FNBP1L: variants seen among roughly 807,000 people sequenced by gnomAD.
The protein encoded by FNBP1L is formin-binding protein 1-like.
In FNBP1L, 36 loss-of-function variants were observed where a neutral mutation model predicts 91.2. That is an observed-to-expected ratio of 0.39 (90% confidence interval 0.30 to 0.52). The LOEUF is 0.52. FNBP1L is among the 20% of genes least tolerant of loss of function. FNBP1L has a pLI of 0.66. For synonymous variants in FNBP1L, 242 were observed against 237.0 expected (o/e 1.02, Z -0.19); for missense variants, 571 against 732.1 (o/e 0.78, Z 2.54).
chr1:93,526,151 C>G (rs1384948336), intron 5 of FNBP1L, among the ~76,000 whole-genome samples: 1 of 151,988 alleles, frequency 6.6e-6, no homozygotes, highest in Non-Finnish European at 1.5e-5. Flanking sequence ...GACAGAAGAG[C>G]CTGTAAAGGA....
chr1:93,469,027 T>C (rs1256634079), intron 1 of FNBP1L, among the ~76,000 whole-genome samples: 1 of 152,184 alleles, frequency 6.6e-6, no homozygotes, highest in African/African-American at 2.4e-5. Context: ...CATCTTTTCT[T>C]GTGCTTATTG....
chr1:93,505,397 T>C (rs1670576578), intron 2 of FNBP1L, among the ~76,000 whole-genome samples: 1 of 152,136 alleles, frequency 6.6e-6, no homozygotes, highest in African/African-American at 2.4e-5. Context: ...CAGTTTCCAT[T>C]GGCTGGAACG....
chr1:93,515,446 C>T (rs1279954346), intron 2 of FNBP1L, among the ~76,000 whole-genome samples: 2 of 151,950 alleles, frequency 1.3e-5, no homozygotes, highest in African/African-American at 2.4e-5. Flanking sequence ...AATCATGCTG[C>T]TATAAAGACA....
chr1:93,511,417 T>C lies in FNBP1L; in HGVS notation c.141-10665T>C, dbSNP rs1382385670. On this transcript the variant is annotated intron_variant, in intron 2 of 16. Transcript: ENST00000271234. The stretch of plus-strand genomic sequence containing the variant: ...GACAAGCAAATGCTGAGAGATTTTG[T>C]CACCACCAGGCCTGCCCTAAAAGAG... Among the ~76,000 whole-genome samples the C allele has an allele frequency of 3.9e-5, 6 of 152,150 alleles. No individual in the cohort carries two copies. The East Asian group carries it at 7.7e-4, about 20-fold the overall frequency.
intron 2 of FNBP1L, among the ~76,000 whole-genome samples, chr1:93,511,953 G>A (rs12239248): frequency 0.49 from 61,821 of 125,450 alleles, 17,429 homozygotes; most frequent in Non-Finnish European, 0.61. Context: ...GCGACAGAGC[G>A]AGACTCCGTC....
intron 3 of FNBP1L, among the ~76,000 whole-genome samples, chr1:93,523,061 A>T (rs1266377136): frequency 6.6e-6 from 1 of 152,200 alleles, no homozygotes; most frequent in African/African-American, 2.4e-5. Context: ...TGGCAACTTA[A>T]GAGATTCCAG....
chr1:93,495,284 A>G (rs1670225828), intron 1 of FNBP1L, among the ~76,000 whole-genome samples: 1 of 152,222 alleles, frequency 6.6e-6, no homozygotes, highest in South Asian at 2.1e-4. Context: ...TCAATAATGA[A>G]TAATGTTTCA....
rs779478139 is a variant in FNBP1L at position 93,522,072 on chromosome 1, C to T, written c.141-10C>T. On this transcript the variant is annotated splice_polypyrimidine_tract_variant and intron_variant, in intron 2 of 16. Transcript: ENST00000271234. ...TTTTTAATAAACTTTAAAAAATCTTCTTCCTATAGAAATCTGGTTAAGAAG... is the reference window on the plus strand; with the variant it reads ...TTTTTAATAAACTTTAAAAAATCTTTTTCCTATAGAAATCTGGTTAAGAAG... 5 of 1,490,942 alleles carry T rather than the reference C, an allele frequency of 3.4e-6. No individual in the cohort carries two copies. The highest frequency in any genetic ancestry group is 2.9e-5 in the African/African-American group (2 of 69,620). 92.4% of individuals were successfully genotyped at this position (1,490,942 alleles called of 1,614,324 possible).
At chr1:93,476,077 T>G (rs1292854882) in intron 1 of FNBP1L, among the ~76,000 whole-genome samples, 1 of 152,222 alleles carries the variant, frequency 6.6e-6, no homozygotes. Flanking sequence ...TGTTTATACC[T>G]CCAATTTCTT....
chr1:93,493,620 T>C (rs1271885635), intron 1 of FNBP1L, among the ~76,000 whole-genome samples: 1 of 152,210 alleles, frequency 6.6e-6, no homozygotes, highest in African/African-American at 2.4e-5. Context: ...TCATACAGTA[T>C]TTGTCCTTTT....
chr1:93,522,074 TC>T lies in FNBP1L; in HGVS notation c.141-6del. ...TTTAATAAACTTTAAAAAATCTTCTTCCTATAGAAATCTGGTTAAGAAGTAC... is the reference window on the plus strand; with the variant it reads ...TTTAATAAACTTTAAAAAATCTTCTTCTATAGAAATCTGGTTAAGAAGTAC... On this transcript the variant is annotated splice_region_variant and splice_polypyrimidine_tract_variant and intron_variant, in intron 2 of 16. Coordinates refer to ENST00000271234, the MANE Select transcript of FNBP1L (RefSeq NM_001164473.3). 6.7e-7 allele frequency: 1 copy of T among 1,501,554 alleles called. No individual in the cohort carries two copies. Among genetic ancestry groups the T allele is most frequent in the Non-Finnish European group, 8.9e-7 (1 of 1,122,986 alleles). The allele number at this position is 1,501,554 out of a possible 1,614,324, so 93.0% of individuals were successfully genotyped here.
At chr1:93,540,566 T>C (rs1021724664) in intron 10 of FNBP1L, among the ~76,000 whole-genome samples, 2 of 152,124 alleles carry the variant, frequency 1.3e-5, no homozygotes, top group Admixed American at 1.3e-4. Flanking sequence ...CAAACAGTAC[T>C]TTGAAGTATA....
At chr1:93,454,502 A>G (rs1466174250) in intron 1 of FNBP1L, among the ~76,000 whole-genome samples, 1 of 152,216 alleles carries the variant, frequency 6.6e-6, no homozygotes, top group African/African-American at 2.4e-5. Flanking sequence ...GTTTTAGAAG[A>G]TGAAAGTGTA....
intron 1 of FNBP1L, among the ~76,000 whole-genome samples, chr1:93,475,359 A>G (rs1669455380): frequency 1.3e-5 from 2 of 152,000 alleles, no homozygotes; most frequent in African/African-American, 2.4e-5. Context: ...GAAGCAACGT[A>G]GAGAGACACC....
intron 11 of FNBP1L, among the ~76,000 whole-genome samples, chr1:93,542,274 G>A (rs903351347): frequency 6.6e-6 from 1 of 151,836 alleles, no homozygotes; most frequent in African/African-American, 2.4e-5. Flanking sequence ...AACAGAATGA[G>A]ACCCTATCTC....
At chr1:93,519,153 C>A (rs1671232078) in intron 2 of FNBP1L, among the ~76,000 whole-genome samples, 1 of 152,114 alleles carries the variant, frequency 6.6e-6, no homozygotes, top group African/African-American at 2.4e-5. Context: ...GTTTGGGTAA[C>A]CAGGATTAAT....
At chr1:93,457,276 G>A (rs182550375) in intron 1 of FNBP1L, among the ~76,000 whole-genome samples, 30 of 152,234 alleles carry the variant, frequency 2.0e-4, no homozygotes, top group Admixed American at 1.8e-3. Context: ...GTACTCTTTT[G>A]CACCTTCTTC....
chr1:93,467,359 C>G lies in FNBP1L; in HGVS notation c.24+19054C>G, dbSNP rs574333202. On this transcript the variant is annotated intron_variant, in intron 1 of 16. Coordinates refer to ENST00000271234, the MANE Select transcript of FNBP1L (RefSeq NM_001164473.3). ...AAACATGGATGACTCTTGAGGACAT[C>G]ATGTTAAGTGAAACAAACAGGTCAG... 2.0e-5 allele frequency among the ~76,000 whole-genome samples: 3 copies of G among 152,264 alleles called. No individual in the cohort carries two copies. The South Asian group carries it at 6.2e-4, about 32-fold the overall frequency.
In FNBP1L at chr1:93,547,387, G is replaced by A; in HGVS notation, c.1448G>A (p.Gly483Glu). 2 of 1,562,578 alleles carry A rather than the reference G, an allele frequency of 1.3e-6. No individual in the cohort carries two copies. The highest frequency in any genetic ancestry group is 1.7e-6 in the Non-Finnish European group (2 of 1,152,636). ...SEVEGKTGGR[G>E]DRRHSSDINH... is the part of the protein sequence containing the mutation. ...GTCGAAGGCAAAACAGGTGGGAGAG[G>A]AGACAGAAGACATAGCAGTGACATA... The change falls in exon 14 of 17, where the codon GGA becomes GAA. Residue 483 changes from glycine (G) to glutamate (E), a missense_variant. Coordinates refer to ENST00000271234, the MANE Select transcript of FNBP1L (RefSeq NM_001164473.3).
Sources: allele counts gnomAD v4.1 joint callset (sites outside exome capture counted in the v4.1 genomes callset), GRCh38; gene constraint gnomAD v4.1.1; transcripts MANE v1.5; gene names NCBI Gene and HGNC (gene_info 2026-07-23, HGNC 2026-07-21).